Variants in ATP5ME observed in about 807,000 individuals in gnomAD.
ATP5ME encodes the protein ATP synthase F(0) complex subunit e, mitochondrial.
A neutral mutation model predicts 11.6 loss-of-function variants in ATP5ME; 10 were observed. That is an observed-to-expected ratio of 0.86 (90% CI 0.53 to 1.46). The LOEUF (loss-of-function observed/expected upper bound fraction) is 1.46, where lower values mean the gene tolerates loss of function less well. Among genes scored for constraint, ATP5ME ranks in the 40% most tolerant of loss-of-function variants. The pLI is 0.00. For missense variants in ATP5ME, 115 were observed against 85.4 expected, an observed-to-expected ratio of 1.35 and a Z score of -1.37; for synonymous variants, 45 against 33.5, an observed-to-expected ratio of 1.34 and a Z score of -1.19.
chr4:672,633 T>TCAAAA, intron 3 of ATP5ME, 114 bp from the exon 4 acceptor site: 1 of 1,221,712 alleles, frequency 8.2e-7, no homozygotes, highest in Non-Finnish European at 1.1e-6. Context: ...AGACGGAGTC[T>TCAAAA]CGCTCTGTCA....
At chr4:673,705 C>T in intron 2 of ATP5ME, 2 of 827,562 alleles carry the variant, frequency 2.4e-6, no homozygotes, top group Non-Finnish European at 3.8e-6. Flanking sequence ...AAGAAGCAGC[C>T]GTTTTCGAGT....
At chr4:674,116 G>T in intron 1 of ATP5ME, 96 bp downstream of exon 1, 1 of 1,465,366 alleles carries the variant, frequency 6.8e-7, no homozygotes, top group Non-Finnish European at 9.2e-7. Context: ...GATCATGGGG[G>T]CGGGGGCCGG....
intron 3 of ATP5ME, among the ~76,000 whole-genome samples, 167 bp from the exon 4 acceptor site, chr4:672,686 G>A (rs1738580513): frequency 6.6e-6 from 1 of 150,930 alleles, no homozygotes; most frequent in Non-Finnish European, 1.5e-5. Context: ...CTGCATCCCA[G>A]GTTAAAGCGA....
At chr4:673,721 G>A (rs1738640811) in intron 2 of ATP5ME, 191 bp downstream of exon 2, 2 of 922,342 alleles carry the variant, frequency 2.2e-6, no homozygotes, top group African/African-American at 1.6e-5. Flanking sequence ...CGAGTCCCCC[G>A]CCCGGGCCTC....
At position 673,899 on chromosome 4, in the gene ATP5ME, C is replaced by T. The variant is rs1256844650; in HGVS notation, c.91+13G>A. ...GAGCAGACCCCGCCCCGGCCCCGCC[C>T]GCGGTCACTCACTGTAGCGCGTGGC... is the stretch of plus-strand genomic sequence containing the variant. On this transcript the variant is annotated intron_variant, in intron 2 of 3. Transcript: ENST00000304312. 6 of 1,545,778 alleles carry T rather than the reference C, an allele frequency of 3.9e-6. No homozygotes were observed. In the African/African-American group the frequency reaches 8.2e-5, roughly 21 times the overall value.
At position 673,698 on chromosome 4, in the gene ATP5ME, A is replaced by C. The variant is rs549071387; in HGVS notation, c.91+214T>G. 1.5e-4 allele frequency: 119 copies of C among 805,202 alleles called. No homozygotes were observed. In the East Asian group the frequency reaches 3.1e-3, roughly 21 times the overall value. 49.9% of individuals were successfully genotyped at this position (805,202 alleles called of 1,614,324 possible). A position where few individuals can be genotyped will look rare whatever the true frequency, so the allele number is the denominator to read the frequency against. On this transcript the variant is annotated intron_variant, in intron 2 of 3. Transcript: ENST00000304312. ...CCATTTAGCACCCGTTTTCACCAAG[A>C]AGCAGCCGTTTTCGAGTCCCCCGCC...
Position 673,491 on chromosome 4 carries a change from T to A in ATP5ME, c.92-90A>T. On this transcript the variant is annotated intron_variant, in intron 2 of 3. Transcript: ENST00000304312. Reference sequence around the variant, plus strand: ...CAGGTCAAGGTATCTTCAGCGACGCTGTAAACCAGACGCACCTGCTGTTCC... The same window carrying A: ...CAGGTCAAGGTATCTTCAGCGACGCAGTAAACCAGACGCACCTGCTGTTCC... The A allele has an allele frequency of 2.5e-6, 4 of 1,596,974 alleles. No homozygotes were observed. In the Admixed American group the frequency reaches 5.1e-5, roughly 20 times the overall value.
chr4:673,824 C>G, intron 2 of ATP5ME, 88 bp downstream of exon 2: 1 of 1,499,324 alleles, frequency 6.7e-7, no homozygotes, highest in Non-Finnish European at 9.0e-7. Context: ...CCCAAGCCCC[C>G]TTCCAGAGCT....
chr4:674,142 G>C (rs1738666537), intron 1 of ATP5ME, 70 bp downstream of exon 1: 4 of 1,539,612 alleles, frequency 2.6e-6, no homozygotes, highest in Non-Finnish European at 3.5e-6. Context: ...GCAGCCCGCG[G>C]GGTCGGAGCT....
chr4:672,677 T>C (rs1207480527), intron 3 of ATP5ME, among the ~76,000 whole-genome samples, 158 bp from the exon 4 acceptor site: 1 of 150,786 alleles, frequency 6.6e-6, no homozygotes, highest in Non-Finnish European at 1.5e-5. Context: ...CTGCAACCTC[T>C]GCATCCCAGG....
At position 673,361 on chromosome 4, in the gene ATP5ME, T is replaced by C; in HGVS notation, c.132A>G (p.Ala44=). 1 of 1,614,204 alleles carries C rather than the reference T, an allele frequency of 6.2e-7. No individual in the cohort carries two copies. Among genetic ancestry groups the C allele is most frequent in the Non-Finnish European group, 8.5e-7 (1 of 1,180,006 alleles). ...KPRAEEERRI[A]AEEKKKQDEL... The stretch of plus-strand genomic sequence containing the variant: ...CATCCTGCTTCTTCTTCTCTTCTGC[T>C]GCTATCCTCCTCTCCTCTTCTGCCC... Residue 44 remains alanine (A), a synonymous_variant, in exon 3 of 4, where the codon GCA becomes GCG. Coordinates refer to ENST00000304312, the MANE Select transcript of ATP5ME (RefSeq NM_007100.4).
chr4:672,602 T>C, intron 3 of ATP5ME, 83 bp from the exon 4 acceptor site: 1 of 1,389,400 alleles, frequency 7.2e-7, no homozygotes, highest in Non-Finnish European at 9.8e-7. Flanking sequence ...AGTTATTTTT[T>C]TTTTTTTTTT....
rs1362688501 is a variant in ATP5ME, at chr4:673,305, T to C, written c.188A>G (p.Glu63Gly). 1 of 1,614,220 alleles carries C rather than the reference T, an allele frequency of 6.2e-7. No individual in the cohort carries two copies. ...ATAAGAGCCAGTGTCACTCGTACCT[T>C]CTGCCAATTCTCTGGCAATCCGTTT... ...ELKRIARELA[E>G]DDSILK The change falls in exon 3 of 4, where the codon GAA (glutamate) becomes GGA (glycine). Residue 63 changes from glutamate to glycine, a missense_variant and splice_region_variant. Glu to Gly is a moderately conservative substitution (Grantham distance 98). Transcript: ENST00000304312.
intron 1 of ATP5ME, 69 bp from the exon 2 acceptor site, chr4:674,035 G>A (rs1467332277): frequency 1.3e-6 from 2 of 1,520,344 alleles, no homozygotes; most frequent in Admixed American, 2.0e-5. Context: ...GGAGGAGGGG[G>A]GGCGGGGTCG....
Position 673,215 on chromosome 4 carries a change from T to C in ATP5ME, c.190+88A>G, listed in dbSNP as rs542619414. On this transcript the variant is annotated intron_variant, in intron 3 of 3. Coordinates refer to ENST00000304312, the MANE Select transcript of ATP5ME (RefSeq NM_007100.4). ...CCATTTTTAAACAATCCGCATCTAC[T>C]TAGCTCTGCTTAAATGTCCTCCTCC... The C allele has an allele frequency of 2.5e-6, 4 of 1,599,668 alleles. No individual in the cohort carries two copies. The Admixed American group carries it at 6.8e-5, about 27-fold the overall frequency.
rs759942026 is a variant in ATP5ME, at chr4:674,212, C to G, written c.36G>C (p.Lys12Asn). ...VPPVQVSPLI[K>N]LGRYSALFLG... Reference sequence around the variant, plus strand: ...GCGGCGGCTGCAAAGCCTGGATCACCTTGATGAGCGGAGAGACCTGCACCG... The same window carrying G: ...GCGGCGGCTGCAAAGCCTGGATCACGTTGATGAGCGGAGAGACCTGCACCG... The change falls in exon 1 of 4, where the codon AAG becomes AAC. Residue 12 changes from lysine to asparagine, a missense_variant and splice_region_variant. Coordinates refer to ENST00000304312, the MANE Select transcript of ATP5ME (RefSeq NM_007100.4). 19 of 1,611,698 alleles carry G rather than the reference C, an allele frequency of 1.2e-5. No homozygotes were observed. Among genetic ancestry groups the G allele is most frequent in the Non-Finnish European group, 1.6e-5 (19 of 1,179,286 alleles).
In ATP5ME at chr4:672,487, G is replaced by C. The variant is rs764773087; in HGVS notation, c.*13C>G. On this transcript the variant is annotated 3_prime_UTR_variant, in exon 4 of 4. Coordinates refer to ENST00000304312, the MANE Select transcript of ATP5ME (RefSeq NM_007100.4). The stretch of plus-strand genomic sequence containing the variant: ...CATCCGCTGCTGGTCCAAAGAGTGG[G>C]TCGCAGGGTCACTCACTTTAATATG... The C allele has an allele frequency of 1.2e-6, 2 of 1,613,946 alleles. No individual in the cohort carries two copies. Among genetic ancestry groups the C allele is most frequent in the Non-Finnish European group, 1.7e-6 (2 of 1,179,990 alleles).
chr4:674,125 G>C, intron 1 of ATP5ME, 87 bp downstream of exon 1: 2 of 1,476,940 alleles, frequency 1.4e-6, no homozygotes, highest in Non-Finnish European at 1.8e-6. Flanking sequence ...GGCGGGGGCC[G>C]GGGGTCGCAG....
At chr4:673,705 C>G in intron 2 of ATP5ME, 1 of 827,562 alleles carries the variant, frequency 1.2e-6, no homozygotes, top group East Asian at 2.7e-5. Flanking sequence ...AAGAAGCAGC[C>G]GTTTTCGAGT....
Sources: gnomAD v4.1 joint callset for allele counts (sites outside exome capture counted in the v4.1 genomes callset) on GRCh38, gnomAD v4.1.1 for gene constraint, MANE v1.5 for transcripts, NCBI Gene and HGNC (gene_info 2026-07-23, HGNC 2026-07-21) for gene names.